Variants in ATXN7 observed in about 807,000 individuals in gnomAD.
The protein encoded by ATXN7 is ataxin-7.
A neutral mutation model predicts 70.5 loss-of-function variants in ATXN7; 12 were observed. The ratio of observed to expected loss-of-function variants is 0.17; its 90% CI spans 0.11 to 0.28. ATXN7 has a LOEUF of 0.28. Among genes scored for constraint, ATXN7 ranks in the 10% least tolerant of loss-of-function variants. The pLI is 1.00. For missense variants in ATXN7, 1,256 were observed against 1,131.7 expected (o/e 1.11, Z -1.58); for synonymous variants, 498 against 448.7 (o/e 1.11, Z -1.39).
In ATXN7 at chr3:63,985,087, G is replaced by A. The variant is rs182615852; in HGVS notation, c.1095+2066G>A. On this transcript the variant is annotated intron_variant, in intron 8 of 12. Coordinates refer to ENST00000674280, the MANE Select transcript of ATXN7 (RefSeq NM_001377405.1). ...TGTCTATTATAAATAATACTTCAGT[G>A]AACATAGGAGTTCTAATAGCTCTTT... Among the ~76,000 whole-genome samples the A allele has an allele frequency of 1.6e-3, 242 of 152,236 alleles. 1 individual carries two copies. Among genetic ancestry groups the A allele is most frequent in the South Asian group, 0.014 (68 of 4,824 alleles).
chr3:63,932,798 C>A (rs2074578656), intron 4 of ATXN7, among the ~76,000 whole-genome samples: 1 of 152,196 alleles, frequency 6.6e-6, no homozygotes, highest in Non-Finnish European at 1.5e-5. Flanking sequence ...TTCCAGGCAG[C>A]TTCCCCAGGC....
At chr3:63,973,481 T>C (rs947571678) in intron 5 of ATXN7, among the ~76,000 whole-genome samples, 3 of 152,104 alleles carry the variant, frequency 2.0e-5, no homozygotes, top group Non-Finnish European at 4.4e-5. Context: ...ACAGCCCCAA[T>C]TGGCACATTC....
Position 63,982,360 on chromosome 3 carries a change from C to T in ATXN7, c.927C>T (p.Gly309=). ...CTTCACCTGGACAGATTCTGAATGGCAAAGGGCTTCCTGCACCGCCCACTC... is the reference window on the plus strand; with the variant it reads ...CTTCACCTGGACAGATTCTGAATGGTAAAGGGCTTCCTGCACCGCCCACTC... ...TLPSPGQILN[G]KGLPAPPTLE... The change falls in exon 7 of 13, where the codon GGC becomes GGT. Residue 309 remains glycine, a synonymous_variant. Coordinates refer to ENST00000674280, the MANE Select transcript of ATXN7 (RefSeq NM_001377405.1). 1 of 1,614,148 alleles carries T rather than the reference C, an allele frequency of 6.2e-7. No homozygotes were observed. The highest frequency in any genetic ancestry group is 1.3e-5 in the African/African-American group (1 of 75,024).
chr3:63,951,217 T>C (rs957708823), intron 4 of ATXN7, among the ~76,000 whole-genome samples: 5 of 152,052 alleles, frequency 3.3e-5, no homozygotes, highest in African/African-American at 1.2e-4. Flanking sequence ...ATAGAAACTG[T>C]TTAAGAAAAT....
At chr3:63,871,180 A>G (rs1488273804) in intron 1 of ATXN7, among the ~76,000 whole-genome samples, 2 of 152,232 alleles carry the variant, frequency 1.3e-5, no homozygotes, top group South Asian at 2.1e-4. Flanking sequence ...TGTGCTGAAA[A>G]TAAAACCACT....
At chr3:63,949,484 C>T (rs1291752594) in intron 4 of ATXN7, among the ~76,000 whole-genome samples, 1 of 152,054 alleles carries the variant, frequency 6.6e-6, no homozygotes, top group Non-Finnish European at 1.5e-5. Context: ...TGGCAACCTC[C>T]ACCTCCCAGG....
intron 4 of ATXN7, among the ~76,000 whole-genome samples, chr3:63,914,044 C>T (rs918251485): frequency 1.5e-4 from 23 of 152,156 alleles, no homozygotes; most frequent in African/African-American, 5.6e-4. Flanking sequence ...GGTTCAGTTT[C>T]AAGTTATTCT....
At chr3:63,967,242 C>T (rs1291670442) in intron 5 of ATXN7, among the ~76,000 whole-genome samples, 5 of 152,122 alleles carry the variant, frequency 3.3e-5, no homozygotes, top group Admixed American at 2.0e-4. Context: ...AGTATGAAAG[C>T]TTTAGTCAGT....
intron 4 of ATXN7, among the ~76,000 whole-genome samples, chr3:63,932,929 T>C (rs1368897845): frequency 6.6e-6 from 1 of 152,218 alleles, no homozygotes; most frequent in African/African-American, 2.4e-5. Flanking sequence ...TTTGGTATTA[T>C]GGGTGTGCTA....
chr3:63,967,928 C>G, intron 5 of ATXN7: 1 of 1,535,936 alleles, frequency 6.5e-7, no homozygotes, highest in South Asian at 1.2e-5. Flanking sequence ...GGTAGCAAGA[C>G]GCCTCTCCAA....
intron 9 of ATXN7, among the ~76,000 whole-genome samples, chr3:63,989,197 CA>C (rs1346075689): frequency 6.6e-6 from 1 of 152,192 alleles, no homozygotes; most frequent in Non-Finnish European, 1.5e-5. Context: ...GAGGAGCCAT[CA>C]GAGGAGGCTC....
chr3:63,962,436 A>G (rs2075146183), intron 5 of ATXN7, among the ~76,000 whole-genome samples: 1 of 151,878 alleles, frequency 6.6e-6, no homozygotes, highest in African/African-American at 2.4e-5. Context: ...ACAGAGTCCC[A>G]CTGTCTCGCT....
chr3:63,866,938 A>T (rs1055067630), intron 1 of ATXN7: 1 of 151,024 alleles, frequency 6.6e-6, no homozygotes, highest in Non-Finnish European at 1.5e-5. Context: ...TTATTGATTT[A>T]TTTGAGTCAT....
At chr3:63,950,601 C>CTT (rs1308472622) in intron 4 of ATXN7, among the ~76,000 whole-genome samples, 2 of 152,140 alleles carry the variant, frequency 1.3e-5, no homozygotes, top group African/African-American at 4.8e-5. Context: ...GCATATGGAA[C>CTT]TTACGGTAAA....
chr3:63,942,068 C>T (rs779260522), intron 4 of ATXN7, among the ~76,000 whole-genome samples: 44 of 152,284 alleles, frequency 2.9e-4, no homozygotes, highest in Admixed American at 1.3e-4. Flanking sequence ...AACCTATGAG[C>T]AGCGGTGAGA....
chr3:63,872,036 A>G (rs540377748), intron 1 of ATXN7, among the ~76,000 whole-genome samples: 3 of 152,162 alleles, frequency 2.0e-5, no homozygotes, highest in East Asian at 3.9e-4. Flanking sequence ...GCTTTGGAGT[A>G]TGTTCTATCT....
chr3:63,912,567 C>CT (rs758974749), intron 2 of ATXN7, 21 bp from the exon 3 acceptor site: 137 of 1,115,578 alleles, frequency 1.2e-4, no homozygotes, highest in Middle Eastern at 8.2e-4. Context: ...CTCTTTCCCC[C>CT]TTTTTTTTGT....
chr3:63,922,301 C>T (rs971359757), intron 4 of ATXN7, among the ~76,000 whole-genome samples: 7 of 152,146 alleles, frequency 4.6e-5, no homozygotes, highest in East Asian at 1.9e-4. Flanking sequence ...CTCAGCCTCC[C>T]GGAGTGTTGG....
intron 4 of ATXN7, among the ~76,000 whole-genome samples, chr3:63,944,583 A>G (rs2074825578): frequency 6.6e-6 from 1 of 152,090 alleles, no homozygotes; most frequent in Admixed American, 6.5e-5. Flanking sequence ...AAAACTTAGA[A>G]GTTATTTCTG....
Sources: gnomAD v4.1 joint callset for allele counts (sites outside exome capture counted in the v4.1 genomes callset) on GRCh38, gnomAD v4.1.1 for gene constraint, MANE v1.5 for transcripts, NCBI Gene and HGNC (gene_info 2026-07-23, HGNC 2026-07-21) for gene names.